The following PEX11G variants were observed in gnomAD, a reference collection of about 807,000 sequenced individuals.
The protein encoded by PEX11G is peroxisomal biogenesis factor 11 gamma.
PEX11G carries 20 observed loss-of-function variants against 22.5 expected under a neutral mutation model. That is an observed-to-expected ratio of 0.89 (90% CI 0.62 to 1.29). The LOEUF is 1.29. PEX11G is among the 50% of genes most tolerant of loss of function. The pLI, the probability that PEX11G is intolerant of heterozygous loss-of-function variation, is 0.00. For missense variants in PEX11G, 347 were observed against 331.3 expected, an observed-to-expected ratio of 1.05 and a Z score of -0.37; for synonymous variants, 141 against 154.5, an observed-to-expected ratio of 0.91 and a Z score of 0.65.
rs372556304 is a variant in PEX11G, at chr19:7,477,236, C to G, written c.692G>C (p.Arg231Pro). The G allele has an allele frequency of 1.3e-6, 2 of 1,543,450 alleles. No homozygotes were observed. Among genetic ancestry groups the G allele is most frequent in the Non-Finnish European group, 8.7e-7 (1 of 1,149,594 alleles). ...SSILSMYQAA[R>P]AGGQAEATTP ...AGTGGCCTCGGCCTGGCCGCCGGCC[C>G]GGGCCGCCTGGTACATGCTGAGGAT... The change falls in exon 5 of 5, where the codon CGG (arginine) becomes CCG (proline). Residue 231 changes from arginine to proline, a missense_variant. By Grantham distance (103) the Arg-to-Pro change is moderately radical. Transcript: ENST00000221480.
chr19:7,493,889 C>A (rs561316671), upstream of PEX11G, among the ~76,000 whole-genome samples: 2 of 149,798 alleles, frequency 1.3e-5, no homozygotes, highest in African/African-American at 4.9e-5. Context: ...ACTCCCCTCT[C>A]CCCCAGTGGG....
intron 3 of PEX11G, among the ~76,000 whole-genome samples, chr19:7,479,509 G>A (rs781146684): frequency 2.6e-5 from 4 of 152,108 alleles, no homozygotes; most frequent in Non-Finnish European, 4.4e-5. Flanking sequence ...AGCCCTGGGC[G>A]CCGGACCCAG....
At chr19:7,479,703 G>A (rs1290587249) in intron 3 of PEX11G, among the ~76,000 whole-genome samples, 1 of 152,012 alleles carries the variant, frequency 6.6e-6, no homozygotes, top group Admixed American at 6.6e-5. Flanking sequence ...GGGGCACACA[G>A]GACTTCGATG....
chr19:7,488,995 C>T lies in PEX11G; in HGVS notation c.16G>A (p.Gly6Ser). 1 of 1,543,336 alleles carries T rather than the reference C, an allele frequency of 6.5e-7. No individual in the cohort carries two copies. Among genetic ancestry groups the T allele is most frequent in the Non-Finnish European group, 8.7e-7 (1 of 1,147,918 alleles). MASLS[G>S]LASALESYRG... ...TACGACTCCAGCGCCGACGCCAGGC[C>T]GCTCAGCGACGCCATGGCAACTCCG... The change falls in exon 1 of 5, where the codon GGC (glycine) becomes AGC (serine). Residue 6 changes from glycine to serine, a missense_variant. Transcript: ENST00000221480.
chr19:7,492,084 C>T (rs993982823), upstream of PEX11G, among the ~76,000 whole-genome samples: 1 of 152,176 alleles, frequency 6.6e-6, no homozygotes, highest in East Asian at 1.9e-4. Flanking sequence ...AGCTGATGGT[C>T]ATTTGGGCTG....
At chr19:7,483,177 C>T (rs1454114629) in intron 2 of PEX11G, 1 of 151,858 alleles carries the variant, frequency 6.6e-6, no homozygotes, top group Non-Finnish European at 1.5e-5. Flanking sequence ...TTCCCCTCCT[C>T]TCTGACTTCC....
intron 1 of PEX11G, among the ~76,000 whole-genome samples, chr19:7,488,643 T>C (rs1422335263): frequency 1.3e-5 from 2 of 151,912 alleles, no homozygotes; most frequent in African/African-American, 4.8e-5. Flanking sequence ...CTACTAAAAA[T>C]ACAAAAAAAT....
At position 7,477,220 on chromosome 19, in the gene PEX11G, G is replaced by A. The variant is rs376573452; in HGVS notation, c.708C>T (p.Ala236=). ...GGCAGTGTCAGGGGGTAGTGGCCTC[G>A]GCCTGGCCGCCGGCCCGGGCCGCCT... ...MYQAARAGGQ[A]EATTP Residue 236 remains alanine, a synonymous_variant, in exon 5 of 5, where the codon GCC becomes GCT. Coordinates refer to ENST00000221480, the MANE Select transcript of PEX11G (RefSeq NM_080662.4). 477 of 1,519,108 alleles carry A rather than the reference G, an allele frequency of 3.1e-4. 3 individuals carry two copies. In the African/African-American group the frequency reaches 5.3e-3, roughly 17 times the overall value. 94.1% of individuals were successfully genotyped at this position (1,519,108 alleles called of 1,614,324 possible).
At chr19:7,479,996 G>T (rs1977413833) in intron 3 of PEX11G, among the ~76,000 whole-genome samples, 1 of 152,146 alleles carries the variant, frequency 6.6e-6, no homozygotes, top group Non-Finnish European at 1.5e-5. Context: ...GGGAGTGGTG[G>T]CTCACGCCTA....
rs372173920 is a variant in PEX11G, at chr19:7,479,470, G to A, written c.429-1094C>T. On this transcript the variant is annotated intron_variant, in intron 3 of 4. Coordinates refer to ENST00000221480, the MANE Select transcript of PEX11G (RefSeq NM_080662.4). ...CTGCACTCCAGCCTGGGCGACAGAG[G>A]AAGACTGTGTCTCAAGAAAAGAATC... is the stretch of plus-strand genomic sequence containing the variant. Among the ~76,000 whole-genome samples the A allele has an allele frequency of 1.9e-4, 29 of 152,244 alleles. No homozygotes were observed. The East Asian group carries it at 4.6e-3, about 24-fold the overall frequency.
Position 7,477,343 on chromosome 19 carries a change from G to A in PEX11G, c.585C>T (p.Ala195=), listed in dbSNP as rs1381066497. 13 of 1,559,436 alleles carry A rather than the reference G, an allele frequency of 8.3e-6. No individual in the cohort carries two copies. Among genetic ancestry groups the A allele is most frequent in the South Asian group, 3.5e-5 (3 of 84,688 alleles). Reference sequence around the variant, plus strand: ...GCACGCCCCGGGGCAGCCAGTGCACGGCGTTGGCCAGGTCGGCCAGGTTGC... The same window carrying A: ...GCACGCCCCGGGGCAGCCAGTGCACAGCGTTGGCCAGGTCGGCCAGGTTGC... ...LLSNLADLAN[A]VHWLPRGVLW... Residue 195 remains alanine (A), a synonymous_variant, in exon 5 of 5, where the codon GCC becomes GCT. Transcript: ENST00000221480.
rs930671066 is a variant in PEX11G at position 7,478,521 on chromosome 19, C to A, written c.429-145G>T. The stretch of plus-strand genomic sequence containing the variant: ...CTCTCCCTGCCCCCACAGTCCCACA[C>A]CCTCCTGGCTGTGCCTCATGCTCCC... On this transcript the variant is annotated intron_variant, in intron 3 of 4. Transcript: ENST00000221480. 2.9e-5 allele frequency: 24 copies of A among 824,872 alleles called. No homozygotes were observed. The Middle Eastern group carries it at 8.5e-4, about 29-fold the overall frequency. The allele number at this position is 824,872 out of a possible 1,614,324, so 51.1% of individuals were successfully genotyped here.
chr19:7,484,354 CAA>C (rs138530269), intron 2 of PEX11G, among the ~76,000 whole-genome samples: 5 of 147,796 alleles, frequency 3.4e-5, no homozygotes, highest in Non-Finnish European at 6.0e-5. Flanking sequence ...ACCCTGTCTC[CAA>C]AAAAAAAGAA....
chr19:7,478,323 G>C lies in PEX11G; in HGVS notation c.482C>G (p.Pro161Arg), dbSNP rs113074709. ...LRQRLRSPTAPFTSPLPRGKR... is the reference protein window; with the variant it reads ...LRQRLRSPTARFTSPLPRGKR... ...GATCACGGGCTCCTACCTGGTGAAGGGCGCCGTGGGGCTCCGCAGCCTCTG... is the reference window on the plus strand; with the variant it reads ...GATCACGGGCTCCTACCTGGTGAAGCGCGCCGTGGGGCTCCGCAGCCTCTG... The change falls in exon 4 of 5, where the codon CCC becomes CGC. Residue 161 changes from proline (P) to arginine (R), a missense_variant. By Grantham distance (103) the Pro-to-Arg change is moderately radical. Transcript: ENST00000221480. The C allele has an allele frequency of 2.7e-4, 435 of 1,610,948 alleles. 2 individuals carry two copies. In the African/African-American group the frequency reaches 5.5e-3, roughly 20 times the overall value.
At chr19:7,485,694 C>G (rs2021613877) in intron 2 of PEX11G, 144 bp downstream of exon 2, 1 of 736,406 alleles carries the variant, frequency 1.4e-6, no homozygotes, top group African/African-American at 1.8e-5. Context: ...TGGTCTCGAA[C>G]TCCTGACCTC....
chr19:7,494,366 T>C (rs1305818693), intron 1 of PEX11G, among the ~76,000 whole-genome samples: 1 of 152,060 alleles, frequency 6.6e-6, no homozygotes, highest in East Asian at 1.9e-4. Flanking sequence ...CACTCCAGCC[T>C]GGGCGTCAGC....
At chr19:7,488,095 G>A (rs562986280) in intron 1 of PEX11G, among the ~76,000 whole-genome samples, 110 of 152,286 alleles carry the variant, frequency 7.2e-4, no homozygotes, top group African/African-American at 2.6e-3. Flanking sequence ...ATCCCCACAT[G>A]AGATTGTTTG....
At chr19:7,487,811 T>C (rs995015709) in intron 1 of PEX11G, among the ~76,000 whole-genome samples, 1 of 152,194 alleles carries the variant, frequency 6.6e-6, no homozygotes, top group African/African-American at 2.4e-5. Context: ...TCCAGCCCCA[T>C]TATAATGGCA....
At chr19:7,480,462 C>T (rs1470345813) in intron 3 of PEX11G, among the ~76,000 whole-genome samples, 2 of 152,166 alleles carry the variant, frequency 1.3e-5, no homozygotes, top group Admixed American at 6.5e-5. Flanking sequence ...GCAGCACAGA[C>T]ACCGCTGCCT....
Sources: gnomAD v4.1 joint callset for allele counts (sites outside exome capture counted in the v4.1 genomes callset) on GRCh38, gnomAD v4.1.1 for gene constraint, MANE v1.5 for transcripts, NCBI Gene and HGNC (gene_info 2026-07-23, HGNC 2026-07-21) for gene names.